Variants in NTN1 observed in about 807,000 individuals in gnomAD.
NTN1 encodes the protein netrin-1.
In NTN1, 11 loss-of-function variants were observed where a neutral mutation model predicts 54.2. The ratio of observed to expected loss-of-function variants is 0.20; its 90% CI spans 0.13 to 0.34. NTN1 has a LOEUF of 0.34. NTN1 is among the 10% of genes least tolerant of loss of function. The pLI is 1.00. For missense variants in NTN1, 740 were observed against 893.1 expected, an observed-to-expected ratio of 0.83 and a Z score of 2.18; for synonymous variants, 371 against 382.0, an observed-to-expected ratio of 0.97 and a Z score of 0.33.
intron 2 of NTN1, among the ~76,000 whole-genome samples, chr17:9,124,712 G>A (rs1165194469): frequency 6.6e-6 from 1 of 152,188 alleles, no homozygotes; most frequent in Non-Finnish European, 1.5e-5. Context: ...GGAGGTAAAA[G>A]GAACTCGTTT....
At position 9,200,871 on chromosome 17, in the gene NTN1, G is replaced by A. The variant is rs531598761; in HGVS notation, c.1411+17902G>A. ...TGTTAATTGTTAACTAAATCCACACGTCAGCAGATACCAACATAACCTTTG... is the reference window on the plus strand; with the variant it reads ...TGTTAATTGTTAACTAAATCCACACATCAGCAGATACCAACATAACCTTTG... On this transcript the variant is annotated intron_variant, in intron 5 of 6. Transcript: ENST00000173229. Among the ~76,000 whole-genome samples the A allele has an allele frequency of 2.5e-4, 38 of 152,310 alleles. No individual in the cohort carries two copies. The South Asian group carries it at 6.4e-3, about 26-fold the overall frequency.
chr17:9,030,801 C>T (rs1446097380), intron 2 of NTN1, among the ~76,000 whole-genome samples: 1 of 151,790 alleles, frequency 6.6e-6, no homozygotes, highest in Non-Finnish European at 1.5e-5. Flanking sequence ...GTGTGGTAGA[C>T]CTCCGGATTA....
chr17:9,010,799 A>C, the NTN1 span, among the ~76,000 whole-genome samples: 28 of 152,286 alleles, frequency 1.8e-4, no homozygotes, highest in African/African-American at 6.7e-4. Flanking sequence ...AGTTTTGTGG[A>C]AGACAGTTTT....
chr17:9,036,443 T>A (rs1293996045), intron 2 of NTN1, among the ~76,000 whole-genome samples: 2 of 141,252 alleles, frequency 1.4e-5, no homozygotes, highest in Admixed American at 1.5e-4. Context: ...TCATCCAGTC[T>A]AGAGCACAGT....
chr17:9,147,666 C>T (rs1055324978), intron 2 of NTN1, among the ~76,000 whole-genome samples: 23 of 152,198 alleles, frequency 1.5e-4, no homozygotes, highest in Non-Finnish European at 2.4e-4. Context: ...TCTCCTGTAC[C>T]GTATTTTTCT....
intron 2 of NTN1, among the ~76,000 whole-genome samples, chr17:9,162,006 A>T (rs1383761013): frequency 2.7e-5 from 3 of 110,180 alleles, no homozygotes; most frequent in Admixed American, 8.5e-5. Context: ...ACAGATGGGG[A>T]GGGTGTGGAG....
At chr17:9,193,920 TAAAAAAAAAA>T (rs71361871) in intron 5 of NTN1, among the ~76,000 whole-genome samples, 1 of 44,906 alleles carries the variant, frequency 2.2e-5, no homozygotes, top group Non-Finnish European at 3.8e-5. Context: ...AAACTCCGAC[TAAAAAAAAAA>T]AAAAAAAAAA....
In NTN1 at chr17:9,241,890, G is replaced by C. The variant is rs142772498; in HGVS notation, c.*1922G>C. The C allele has an allele frequency of 6.6e-6, 1 of 152,420 alleles. No individual in the cohort carries two copies. The highest frequency in any genetic ancestry group is 1.5e-5 in the Non-Finnish European group (1 of 68,080). 9.4% of individuals were successfully genotyped at this position (152,420 alleles called of 1,614,324 possible). On this transcript the variant is annotated 3_prime_UTR_variant, in exon 7 of 7. Transcript: ENST00000173229. ...CCACGCTGGCCCTCACTGCACTCCAGCTCTGCAGCCTACCCGCCCAATCCC... is the reference window on the plus strand; with the variant it reads ...CCACGCTGGCCCTCACTGCACTCCACCTCTGCAGCCTACCCGCCCAATCCC...
intron 2 of NTN1, among the ~76,000 whole-genome samples, chr17:9,121,258 C>T (rs1248577601): frequency 6.6e-6 from 1 of 152,150 alleles, no homozygotes; most frequent in African/African-American, 2.4e-5. Context: ...CATTCAGGTT[C>T]AAGTTCCTTG....
At chr17:9,042,735 C>T (rs1457780029) in intron 2 of NTN1, among the ~76,000 whole-genome samples, 10 of 150,592 alleles carry the variant, frequency 6.6e-5, no homozygotes, top group African/African-American at 1.2e-4. Context: ...TGCAGTGAGC[C>T]GAGATTGCGC....
chr17:9,208,785 C>G (rs1905030502), intron 5 of NTN1, among the ~76,000 whole-genome samples: 1 of 152,224 alleles, frequency 6.6e-6, no homozygotes, highest in Admixed American at 6.5e-5. Context: ...TCATCCCCAG[C>G]CCTGCCTGGC....
At chr17:9,104,815 C>G (rs1278569900) in intron 2 of NTN1, among the ~76,000 whole-genome samples, 1 of 152,204 alleles carries the variant, frequency 6.6e-6, no homozygotes, top group Non-Finnish European at 1.5e-5. Flanking sequence ...GAAGGATTTC[C>G]CACGTGGGCT....
intron 5 of NTN1, among the ~76,000 whole-genome samples, chr17:9,190,026 A>G (rs950956176): frequency 1.3e-5 from 2 of 152,256 alleles, no homozygotes; most frequent in African/African-American, 4.8e-5. Context: ...TCAGCCGAAG[A>G]TTGTTAGAAC....
chr17:9,010,787 C>A, the NTN1 span, among the ~76,000 whole-genome samples: 3 of 152,090 alleles, frequency 2.0e-5, no homozygotes, highest in African/African-American at 7.2e-5. Context: ...GGACCAAGGA[C>A]CAGTTTTGTG....
chr17:9,124,440 C>A (rs148190286), intron 2 of NTN1, among the ~76,000 whole-genome samples: 1 of 152,186 alleles, frequency 6.6e-6, no homozygotes, highest in Non-Finnish European at 1.5e-5. Context: ...GGTGGGAAGC[C>A]GGCTGGGTGG....
chr17:9,226,741 C>G (rs547461755), intron 6 of NTN1, among the ~76,000 whole-genome samples: 24 of 152,222 alleles, frequency 1.6e-4, no homozygotes, highest in Middle Eastern at 6.8e-3. Flanking sequence ...CAGGAAAGCC[C>G]AACCTTGGAG....
intron 4 of NTN1, among the ~76,000 whole-genome samples, chr17:9,180,425 T>TA (rs1415129159): frequency 3.9e-5 from 6 of 152,236 alleles, no homozygotes; most frequent in Non-Finnish European, 8.8e-5. Flanking sequence ...CCCAAGCTCA[T>TA]AGAGTTCTTG....
intron 5 of NTN1, among the ~76,000 whole-genome samples, chr17:9,207,076 G>A (rs17675247): frequency 0.21 from 32,573 of 152,044 alleles, 3,843 homozygotes; most frequent in Non-Finnish European, 0.28. Context: ...AGCTGCGCCC[G>A]TTTTTATTGA....
rs117765960 is a variant in NTN1 at position 9,168,554 on chromosome 17, T to C, written c.1207+5553T>C. 4.2e-4 allele frequency among the ~76,000 whole-genome samples: 64 copies of C among 151,872 alleles called. No homozygotes were observed. In the East Asian group the frequency reaches 0.012, roughly 29 times the overall value. On this transcript the variant is annotated intron_variant, in intron 3 of 6. Coordinates refer to ENST00000173229, the MANE Select transcript of NTN1 (RefSeq NM_004822.3). ...TCTCAAAAAAAAAAAAAAATCTTAC[T>C]GGGCAAGGCTGGGAGCTTAGCTAGT...
Sources: gnomAD v4.1 joint callset for allele counts (sites outside exome capture counted in the v4.1 genomes callset) on GRCh38, gnomAD v4.1.1 for gene constraint, MANE v1.5 for transcripts, NCBI Gene and HGNC (gene_info 2026-07-23, HGNC 2026-07-21) for gene names.